ARHGAP10: variants seen among roughly 807,000 people sequenced by gnomAD.
The protein encoded by ARHGAP10 is rho GTPase-activating protein 10.
Under a neutral mutation model 108.6 loss-of-function variants are expected in ARHGAP10, and 87 were observed. That is an observed-to-expected ratio of 0.80 (90% confidence interval 0.67 to 0.96). ARHGAP10 has a LOEUF of 0.96. Ranked by LOEUF, ARHGAP10 falls within the 40% of genes least tolerant of loss-of-function variation. ARHGAP10 has a pLI of 0.00. For synonymous variants in ARHGAP10, 347 were observed against 341.1 expected (o/e 1.02, Z -0.19); for missense variants, 939 against 954.5 (o/e 0.98, Z 0.21).
In ARHGAP10 at chr4:147,926,767, A is replaced by G. The variant is rs112959446; in HGVS notation, c.1229-13058A>G. Among the ~76,000 whole-genome samples the G allele has an allele frequency of 2.0e-3, 300 of 152,298 alleles. 3 individuals carry two copies. The highest frequency in any genetic ancestry group is 7.2e-3 in the South Asian group (35 of 4,828). On this transcript the variant is annotated intron_variant, in intron 13 of 22. Transcript: ENST00000336498. Reference sequence around the variant, plus strand: ...AGGCGAAGGAAGAAGGATGGTTGTAAGGGAATCCATAAGAGGGGAGATTCC... The same window carrying G: ...AGGCGAAGGAAGAAGGATGGTTGTAGGGGAATCCATAAGAGGGGAGATTCC...
intron 18 of ARHGAP10, among the ~76,000 whole-genome samples, chr4:147,972,222 A>T (rs1391159029): frequency 6.6e-6 from 1 of 152,150 alleles, no homozygotes. Flanking sequence ...GAAAATATTT[A>T]TTGGATGCTC....
intron 10 of ARHGAP10, among the ~76,000 whole-genome samples, chr4:147,882,907 G>C (rs987266058): frequency 6.6e-6 from 1 of 152,092 alleles, no homozygotes; most frequent in African/African-American, 2.4e-5. Flanking sequence ...TGCCAGCCCT[G>C]GTTTTGGCAG....
intron 13 of ARHGAP10, among the ~76,000 whole-genome samples, chr4:147,915,761 A>C (rs1692374002): frequency 6.6e-6 from 1 of 152,134 alleles, no homozygotes; most frequent in African/African-American, 2.4e-5. Context: ...CAGTGGAGTA[A>C]TAGACTAAAA....
At chr4:147,804,790 A>G (rs1426473422) in intron 1 of ARHGAP10, among the ~76,000 whole-genome samples, 1 of 151,954 alleles carries the variant, frequency 6.6e-6, no homozygotes, top group African/African-American at 2.4e-5. Flanking sequence ...TCGTCTTTTG[A>G]AAAGTTCTTG....
intron 1 of ARHGAP10, among the ~76,000 whole-genome samples, chr4:147,781,738 C>T (rs1271673976): frequency 2.1e-5 from 3 of 143,822 alleles, no homozygotes; most frequent in Admixed American, 7.0e-5. Flanking sequence ...AGTGCAGTGG[C>T]GCAATCTCGG....
intron 20 of ARHGAP10, among the ~76,000 whole-genome samples, chr4:148,050,365 C>CTTTTTTTT (rs11309245): frequency 3.4e-5 from 2 of 59,300 alleles, no homozygotes; most frequent in Admixed American, 2.4e-4. Context: ...TCATCATCAT[C>CTTTTTTTT]TTTTTTTTTT....
At chr4:147,866,910 G>A (rs111811844) in intron 7 of ARHGAP10, 94 bp downstream of exon 7, 6 of 1,091,420 alleles carry the variant, frequency 5.5e-6, no homozygotes, top group African/African-American at 3.2e-5. Flanking sequence ...TGAAGACAAT[G>A]CTGATCTGTT....
At chr4:147,915,974 T>A (rs938083083) in intron 13 of ARHGAP10, among the ~76,000 whole-genome samples, 1 of 152,146 alleles carries the variant, frequency 6.6e-6, no homozygotes, top group African/African-American at 2.4e-5. Context: ...CTGAGTGTTA[T>A]AGTGTTTGCT....
intron 18 of ARHGAP10, among the ~76,000 whole-genome samples, chr4:148,019,492 C>CTT (rs1227718816): frequency 4.6e-5 from 7 of 152,110 alleles, no homozygotes; most frequent in Non-Finnish European, 4.4e-5. Context: ...TGGCTCACAC[C>CTT]TGTAATCCCA....
intron 18 of ARHGAP10, among the ~76,000 whole-genome samples, chr4:147,987,719 G>T (rs984395358): frequency 6.6e-6 from 1 of 152,224 alleles, no homozygotes; most frequent in Non-Finnish European, 1.5e-5. Flanking sequence ...TGGGCTTTGG[G>T]GCTGAAGACA....
At chr4:147,890,293 TTTGA>T (rs3039229) in intron 10 of ARHGAP10, among the ~76,000 whole-genome samples, 111,007 of 151,750 alleles carry the variant, frequency 0.73, 45,526 homozygotes, top group Non-Finnish European at 0.92. Context: ...CCATTACTAC[TTTGA>T]TTATCAATGG....
intron 19 of ARHGAP10, among the ~76,000 whole-genome samples, chr4:148,032,385 T>C (rs1420878826): frequency 7.4e-6 from 1 of 134,990 alleles, no homozygotes; most frequent in Non-Finnish European, 1.5e-5. Context: ...GAGAATTTCA[T>C]GTAGTTCAAC....
At chr4:147,931,805 C>T (rs1431351310) in intron 13 of ARHGAP10, among the ~76,000 whole-genome samples, 1 of 152,062 alleles carries the variant, frequency 6.6e-6, no homozygotes, top group Non-Finnish European at 1.5e-5. Flanking sequence ...GCAATTGCAA[C>T]AAAAGCAAAA....
chr4:147,774,140 A>G (rs923638359), intron 1 of ARHGAP10, among the ~76,000 whole-genome samples: 1 of 152,240 alleles, frequency 6.6e-6, no homozygotes, highest in African/African-American at 2.4e-5. Context: ...AATTTAGGAT[A>G]GTGCCTGGCA....
At chr4:147,977,237 A>C (rs7674116) in intron 18 of ARHGAP10, among the ~76,000 whole-genome samples, 36,259 of 152,072 alleles carry the variant, frequency 0.24, 7,253 homozygotes, top group African/African-American at 0.55. Flanking sequence ...CCCAGGAACA[A>C]CAAGACTACT....
At chr4:147,826,822 G>A (rs1732726897) in intron 3 of ARHGAP10, among the ~76,000 whole-genome samples, 1 of 152,064 alleles carries the variant, frequency 6.6e-6, no homozygotes, top group African/African-American at 2.4e-5. Context: ...TCTTAATTTT[G>A]TGAAAAGTTA....
intron 18 of ARHGAP10, among the ~76,000 whole-genome samples, chr4:148,015,620 C>T (rs140230604): frequency 2.7e-4 from 41 of 152,242 alleles, no homozygotes; most frequent in East Asian, 1.7e-3. Context: ...GACAGAGAGT[C>T]GGAAAAGGTT....
At chr4:148,017,723 T>C (rs1390507570) in intron 18 of ARHGAP10, among the ~76,000 whole-genome samples, 2 of 149,698 alleles carry the variant, frequency 1.3e-5, no homozygotes, top group African/African-American at 2.5e-5. Flanking sequence ...GGAAGTGTGA[T>C]ATCATTACAT....
At chr4:147,791,547 T>C (rs947931961) in intron 1 of ARHGAP10, among the ~76,000 whole-genome samples, 3 of 152,074 alleles carry the variant, frequency 2.0e-5, no homozygotes, top group Non-Finnish European at 2.9e-5. Flanking sequence ...CGCGCGTGCG[T>C]GCGCGCGTGT....
Sources: allele counts gnomAD v4.1 joint callset (sites outside exome capture counted in the v4.1 genomes callset), GRCh38; gene constraint gnomAD v4.1.1; transcripts MANE v1.5; gene names NCBI Gene and HGNC (gene_info 2026-07-23, HGNC 2026-07-21).